TK2: variants seen among roughly 807,000 people sequenced by gnomAD.
TK2 encodes thymidine kinase 2.
A neutral mutation model predicts 41.9 loss-of-function variants in TK2; 35 were observed. The observed-to-expected ratio is 0.84, with a 90% confidence interval of 0.64 to 1.11. The LOEUF is 1.11. Ranked by LOEUF, TK2 falls within the 50% of genes least tolerant of loss-of-function variation. The probability of loss-of-function intolerance (pLI) is 0.00; values close to 1 mark genes in which losing one functional copy is unlikely to be tolerated. For missense variants in TK2, 320 were observed against 351.1 expected, an observed-to-expected ratio of 0.91 and a Z score of 0.71; for synonymous variants, 128 against 129.1, an observed-to-expected ratio of 0.99 and a Z score of 0.06.
At chr16:66,549,335 G>A in intron 1 of TK2, 1 of 1,162,870 alleles carries the variant, frequency 8.6e-7, no homozygotes, top group South Asian at 2.2e-5. Context: ...GCCTCCACTC[G>A]CGGTGCACGG....
chr16:66,527,337 A>G (rs1964965251), intron 6 of TK2, among the ~76,000 whole-genome samples: 1 of 152,160 alleles, frequency 6.6e-6, no homozygotes, highest in African/African-American at 2.4e-5. Flanking sequence ...TTGGGGGGTG[A>G]CACAGGCTCA....
chr16:66,541,759 C>G lies in TK2; in HGVS notation c.231+120G>C, dbSNP rs995635473. On this transcript the variant is annotated intron_variant, in intron 3 of 9. Coordinates refer to ENST00000544898, the MANE Select transcript of TK2 (RefSeq NM_004614.5). ...AGGATATTAGAAATGTTAAATTACA[C>G]CTGTGGCTTGCACTTGTGGCTCAAA... 6 of 1,000,062 alleles carry G rather than the reference C, an allele frequency of 6.0e-6. No individual in the cohort carries two copies. In the African/African-American group the frequency reaches 9.5e-5, roughly 16 times the overall value. The allele number at this position is 1,000,062 out of a possible 1,614,324, so 61.9% of individuals were successfully genotyped here. A position where few individuals can be genotyped will look rare whatever the true frequency, so the allele number is the denominator to read the frequency against.
At position 66,514,155 on chromosome 16, in the gene TK2, T is replaced by A. The variant is rs1005304827; in HGVS notation, c.619-344A>T. ...CTCTCCCTCTCCCCTTTGCACGGTT[T>A]CCCTCTGATGCCCAGCCGAGGCTGG... On this transcript the variant is annotated intron_variant, in intron 8 of 9. Coordinates refer to ENST00000544898, the MANE Select transcript of TK2 (RefSeq NM_004614.5). This position sits in a 1 kb window ranked among gnomAD's most constrained non-coding sequence, Gnocchi z 4.2. Among the ~76,000 whole-genome samples the A allele has an allele frequency of 5.3e-5, 8 of 151,832 alleles. No individual in the cohort carries two copies. Among genetic ancestry groups the A allele is most frequent in the African/African-American group, 1.9e-4 (8 of 41,332 alleles).
chr16:66,522,779 G>A (rs574477204), intron 6 of TK2, among the ~76,000 whole-genome samples: 19 of 152,228 alleles, frequency 1.2e-4, no homozygotes, highest in Non-Finnish European at 2.2e-4. Flanking sequence ...CAGGAGAATC[G>A]CTTGAACCCG....
At chr16:66,535,315 A>G (rs953620177) in intron 4 of TK2, among the ~76,000 whole-genome samples, 1 of 152,158 alleles carries the variant, frequency 6.6e-6, no homozygotes, top group Non-Finnish European at 1.5e-5. Context: ...GGACACTAAG[A>G]CTTCTGAGGC....
At chr16:66,542,104 G>A (rs1364480192) in intron 2 of TK2, 151 bp from the exon 3 acceptor site, 1 of 800,550 alleles carries the variant, frequency 1.2e-6, no homozygotes, top group Admixed American at 2.0e-5. Context: ...TCGGGAAACT[G>A]GCAAGGTCCC....
chr16:66,531,596 G>T, intron 4 of TK2, 127 bp from the exon 5 acceptor site: 2 of 837,350 alleles, frequency 2.4e-6, no homozygotes, highest in Non-Finnish European at 4.0e-6. Flanking sequence ...GATAAACCCA[G>T]CATGATCACA....
intron 6 of TK2, chr16:66,524,900 C>T (rs1234416536): frequency 6.6e-6 from 1 of 152,340 alleles, no homozygotes; most frequent in Non-Finnish European, 1.5e-5. Flanking sequence ...GCCCTGAAGC[C>T]TTTGGCCTTG....
At chr16:66,540,173 C>CTTTTTTTTTTTTTTTTTTTTT (rs200305417) in intron 3 of TK2, among the ~76,000 whole-genome samples, 1 of 130,782 alleles carries the variant, frequency 7.6e-6, no homozygotes, top group Admixed American at 8.2e-5. Flanking sequence ...TTTCTTTTTT[C>CTTTTTTTTTTTTTTTTTTTTT]TTTTTTTTTT....
At position 66,531,382 on chromosome 16, in the gene TK2, G is replaced by A. The variant is rs281865491; in HGVS notation, c.373C>T (p.Gln125Ter). The A allele has an allele frequency of 9.9e-6, 16 of 1,614,152 alleles. No homozygotes were observed. Among genetic ancestry groups the A allele is most frequent in the Admixed American group, 1.7e-5 (1 of 60,024 alleles). Residue 125 changes from glutamine to a stop codon, truncating the protein, a stop_gained and splice_region_variant, in exon 5 of 10, where the codon CAG becomes TAG. Coordinates refer to ENST00000544898, the MANE Select transcript of TK2 (RefSeq NM_004614.5). LOFTEE classifies it high-confidence loss of function. ...GAAACTGAGCATCTGAAACCTACCT[G>A]AGGACGAGTATGCCTGTCCAGCATG... is the stretch of plus-strand genomic sequence containing the variant. ...LTMLDRHTRPQVSSVRLMERS... is the reference protein window; with the variant it reads ...LTMLDRHTRP
chr16:66,550,051 C>G lies in TK2; in HGVS notation c.11G>C (p.Trp4Ser), dbSNP rs1200381765. ...CCGGGCGGCCCAGCCCCGCAGCGGC[C>G]ACAGCAGCATAGCCGGGCGAGCGGA... The part of the protein sequence containing the change: MLL[W>S]PLRGWAARAL... The change falls in exon 1 of 10, where the codon TGG becomes TCG. Residue 4 changes from tryptophan (W) to serine (S), a missense_variant. By Grantham distance (177) the Trp-to-Ser change is radical. Coordinates refer to ENST00000544898, the MANE Select transcript of TK2 (RefSeq NM_004614.5). 1 of 1,576,060 alleles carries G rather than the reference C, an allele frequency of 6.3e-7. No homozygotes were observed. The highest frequency in any genetic ancestry group is 1.2e-5 in the South Asian group (1 of 86,502).
intron 8 of TK2, 105 bp from the exon 9 acceptor site, chr16:66,513,916 G>A (rs1239894234): frequency 1.0e-6 from 1 of 987,876 alleles, no homozygotes; most frequent in Non-Finnish European, 1.6e-6. Context: ...CATGGGCAGT[G>A]ACTCAGACAA....
At chr16:66,542,256 C>T (rs1008518106) in intron 2 of TK2, among the ~76,000 whole-genome samples, 2 of 152,192 alleles carry the variant, frequency 1.3e-5, no homozygotes, top group South Asian at 4.1e-4. Context: ...CTTAGTTCAA[C>T]CCCACAGACT....
At chr16:66,549,115 G>A in intron 1 of TK2, 106 bp from the exon 2 acceptor site, 4 of 1,573,420 alleles carry the variant, frequency 2.5e-6, no homozygotes, top group Non-Finnish European at 3.4e-6. Context: ...CTCACTCCCT[G>A]GCCTAAAAAC....
intron 1 of TK2, chr16:66,549,232 G>C: frequency 7.1e-7 from 1 of 1,414,584 alleles, no homozygotes; most frequent in Non-Finnish European, 9.2e-7. Flanking sequence ...GTGTGCTCGA[G>C]TTCTTTCACT....
chr16:66,538,234 T>C lies in TK2; in HGVS notation c.232-1217A>G, dbSNP rs375493734. ...TCAAGTGATCCACCCTCAAGCAAGA[T>C]ACTCTGTGTCTTTGCTTACGTTGTT... On this transcript the variant is annotated intron_variant, in intron 3 of 9. Coordinates refer to ENST00000544898, the MANE Select transcript of TK2 (RefSeq NM_004614.5). Among the ~76,000 whole-genome samples the C allele has an allele frequency of 1.2e-3, 186 of 152,214 alleles. 5 individuals are homozygous for C. In the South Asian group the frequency reaches 0.037, roughly 30 times the overall value.
intron 6 of TK2, among the ~76,000 whole-genome samples, chr16:66,518,498 C>G (rs992339620): frequency 1.3e-5 from 2 of 152,102 alleles, no homozygotes; most frequent in Non-Finnish European, 2.9e-5. Context: ...CCACTGCACT[C>G]CAGCCTGGGC....
intron 2 of TK2, 103 bp from the exon 3 acceptor site, chr16:66,542,056 T>C (rs1965474296): frequency 3.1e-6 from 4 of 1,285,020 alleles, no homozygotes; most frequent in African/African-American, 2.9e-5. Context: ...CATAATTGGT[T>C]CAGTCCAAGA....
intron 6 of TK2, among the ~76,000 whole-genome samples, chr16:66,526,435 T>C (rs1231838065): frequency 6.6e-6 from 1 of 152,140 alleles, no homozygotes; most frequent in African/African-American, 2.4e-5. Flanking sequence ...CCATTCCAGA[T>C]TACTTGCTTC....
Sources: gnomAD v4.1 joint callset for allele counts (sites outside exome capture counted in the v4.1 genomes callset) on GRCh38, gnomAD v4.1.1 for gene constraint, Gnocchi (gnomAD v3.1) non-coding constraint, MANE v1.5 for transcripts, NCBI Gene and HGNC (gene_info 2026-07-23, HGNC 2026-07-21) for gene names.